MNAT1: variants seen among roughly 807,000 people sequenced by gnomAD.
The protein encoded by MNAT1 is CDK-activating kinase assembly factor MAT1.
Under a neutral mutation model 42.0 loss-of-function variants are expected in MNAT1, and 43 were observed. That is an observed-to-expected ratio of 1.02 (90% confidence interval 0.80 to 1.32). The LOEUF (loss-of-function observed/expected upper bound fraction) is 1.32. Ranked by LOEUF, MNAT1 falls within the 40% of genes most tolerant of loss-of-function variation. The pLI is 0.00. For missense variants in MNAT1, 306 were observed against 350.4 expected, an observed-to-expected ratio of 0.87 and a Z score of 1.01; for synonymous variants, 118 against 120.0, an observed-to-expected ratio of 0.98 and a Z score of 0.11.
At chr14:60,818,276 T>G (rs1270597855) in intron 5 of MNAT1, among the ~76,000 whole-genome samples, 1 of 152,002 alleles carries the variant, frequency 6.6e-6, no homozygotes, top group East Asian at 1.9e-4. Context: ...TACAATAGTT[T>G]CATTGTGCAA....
chr14:60,865,036 T>C (rs911346976), intron 6 of MNAT1, among the ~76,000 whole-genome samples: 2 of 152,032 alleles, frequency 1.3e-5, no homozygotes, highest in Admixed American at 1.3e-4. Context: ...ATTAGAGGGA[T>C]CATTTTAAAA....
intron 7 of MNAT1, 120 bp from the exon 8 acceptor site, chr14:60,968,109 G>A: frequency 1.4e-6 from 1 of 714,306 alleles, no homozygotes; most frequent in Non-Finnish European, 2.3e-6. Context: ...ATAAAAGTCT[G>A]AATATTTCAA....
At chr14:60,959,242 G>A (rs373855926) in intron 7 of MNAT1, among the ~76,000 whole-genome samples, 3 of 152,194 alleles carry the variant, frequency 2.0e-5, no homozygotes, top group Non-Finnish European at 2.9e-5. Context: ...AGTGAACACC[G>A]TGGTATCCTC....
intron 7 of MNAT1, among the ~76,000 whole-genome samples, chr14:60,948,250 G>A (rs574321844): frequency 6.6e-6 from 1 of 152,202 alleles, no homozygotes; most frequent in African/African-American, 2.4e-5. Context: ...GGGCAACTAA[G>A]TGAGACCCTG....
intron 6 of MNAT1, among the ~76,000 whole-genome samples, chr14:60,850,224 G>A (rs371693621): frequency 1.3e-5 from 2 of 152,252 alleles, no homozygotes; most frequent in East Asian, 3.9e-4. Context: ...TTTCATTTTA[G>A]AAATTAGATC....
intron 7 of MNAT1, among the ~76,000 whole-genome samples, chr14:60,884,102 T>C (rs1482280693): frequency 6.6e-6 from 1 of 152,130 alleles, no homozygotes; most frequent in Non-Finnish European, 1.5e-5. Flanking sequence ...GCCAGTTCTG[T>C]GTTGAATAGC....
At position 60,926,444 on chromosome 14, in the gene MNAT1, C is replaced by T. The variant is rs117597100; in HGVS notation, c.810-41785C>T. On this transcript the variant is annotated intron_variant, in intron 7 of 7. Coordinates refer to ENST00000261245, the MANE Select transcript of MNAT1 (RefSeq NM_002431.4). ...AGTAGTAGGTTCTTACCTATACTTC[C>T]GACCAAACCAGATATAAATTGGGGG... Among the ~76,000 whole-genome samples, 168 of 152,294 alleles carry T rather than the reference C, an allele frequency of 1.1e-3. No individual in the cohort carries two copies. The East Asian group carries it at 0.023, about 21-fold the overall frequency.
chr14:60,938,766 T>C (rs1324123515), intron 7 of MNAT1, among the ~76,000 whole-genome samples: 1 of 152,212 alleles, frequency 6.6e-6, no homozygotes, highest in East Asian at 1.9e-4. Flanking sequence ...TAGGGAGGAT[T>C]CCCTCTTTTT....
chr14:60,956,659 G>A (rs1051331098), intron 7 of MNAT1, among the ~76,000 whole-genome samples: 1 of 152,042 alleles, frequency 6.6e-6, no homozygotes, highest in Non-Finnish European at 1.5e-5. Flanking sequence ...GTTAATATTT[G>A]CTTTATGTGT....
At chr14:60,859,748 T>A (rs1051856162) in intron 6 of MNAT1, among the ~76,000 whole-genome samples, 3 of 152,190 alleles carry the variant, frequency 2.0e-5, no homozygotes, top group Non-Finnish European at 4.4e-5. Flanking sequence ...GACACCTTAC[T>A]GATACCAGGA....
chr14:60,886,176 A>T (rs2034664925), intron 7 of MNAT1, among the ~76,000 whole-genome samples: 1 of 151,972 alleles, frequency 6.6e-6, no homozygotes, highest in Admixed American at 6.6e-5. Context: ...GATATCAGCA[A>T]ATTTGGTGTT....
chr14:60,875,276 A>G (rs2034412753), intron 6 of MNAT1, among the ~76,000 whole-genome samples: 1 of 152,098 alleles, frequency 6.6e-6, no homozygotes, highest in Non-Finnish European at 1.5e-5. Flanking sequence ...AAAATAGGAT[A>G]TTAAAAGGCA....
At chr14:60,779,925 G>A (rs927000315) in intron 1 of MNAT1, 11 of 1,154,090 alleles carry the variant, frequency 9.5e-6, no homozygotes, top group Non-Finnish European at 1.4e-5. Context: ...GTTGCTGTCC[G>A]TGTAGTGAAA....
chr14:60,841,639 T>G (rs2033557042), intron 6 of MNAT1, among the ~76,000 whole-genome samples: 1 of 152,232 alleles, frequency 6.6e-6, no homozygotes, highest in African/African-American at 2.4e-5. Flanking sequence ...GACTGATTTT[T>G]TTTTCCTGAA....
chr14:60,887,463 C>A (rs1339127043), intron 7 of MNAT1, among the ~76,000 whole-genome samples: 5 of 146,420 alleles, frequency 3.4e-5, no homozygotes, highest in Admixed American at 7.0e-5. Context: ...TTGTTCCCAC[C>A]TGTGAGTGAG....
At chr14:60,936,636 T>C (rs977714333) in intron 7 of MNAT1, among the ~76,000 whole-genome samples, 6 of 152,192 alleles carry the variant, frequency 3.9e-5, no homozygotes, top group Admixed American at 3.3e-4. Context: ...TGTTGGACAT[T>C]TGACTTGGTT....
intron 7 of MNAT1, among the ~76,000 whole-genome samples, chr14:60,894,079 G>C (rs983034491): frequency 6.6e-6 from 1 of 152,102 alleles, no homozygotes; most frequent in Non-Finnish European, 1.5e-5. Flanking sequence ...TGGGCACAGG[G>C]CTGTTTCCTG....
chr14:60,809,781 C>T (rs1002128137), intron 4 of MNAT1, among the ~76,000 whole-genome samples: 1 of 152,030 alleles, frequency 6.6e-6, no homozygotes, highest in African/African-American at 2.4e-5. Flanking sequence ...AGAATTTTTG[C>T]ATTTTTGTTC....
At chr14:60,889,149 G>T (rs930439693) in intron 7 of MNAT1, among the ~76,000 whole-genome samples, 1 of 152,110 alleles carries the variant, frequency 6.6e-6, no homozygotes, top group African/African-American at 2.4e-5. Flanking sequence ...TGAGTCAATT[G>T]TAAGCCAAAA....
Sources: gnomAD v4.1 joint callset for allele counts (sites outside exome capture counted in the v4.1 genomes callset) on GRCh38, gnomAD v4.1.1 for gene constraint, MANE v1.5 for transcripts, NCBI Gene and HGNC (gene_info 2026-07-23, HGNC 2026-07-21) for gene names.